Variants in PAK3 observed in about 807,000 individuals in gnomAD.
PAK3 encodes the protein p21 (RAC1) activated kinase 3.
A neutral mutation model predicts 41.0 loss-of-function variants in PAK3; 4 were observed. That is an observed-to-expected ratio of 0.10 (90% CI 0.05 to 0.22). The LOEUF (loss-of-function observed/expected upper bound fraction) is 0.22. Ranked by LOEUF, PAK3 falls within the 10% of genes least tolerant of loss-of-function variation. The pLI, the probability that PAK3 is intolerant of heterozygous loss-of-function variation, is 1.00. For missense variants in PAK3, 205 were observed against 409.9 expected (o/e 0.50, Z 4.32); for synonymous variants, 146 against 139.6 (o/e 1.05, Z -0.32).
At chrX:111,038,191 C>T (rs1399086672) in intron 1 of PAK3, among the ~76,000 whole-genome samples, 1 of 112,044 alleles carries the variant, frequency 8.9e-6, no homozygotes, top group Non-Finnish European at 1.9e-5. Flanking sequence ...TTATCAACAA[C>T]AATGTATTAT....
chrX:111,078,854 G>T (rs2092809267), intron 1 of PAK3, among the ~76,000 whole-genome samples: 1 of 112,013 alleles, frequency 8.9e-6, no homozygotes, highest in South Asian at 3.7e-4. Flanking sequence ...ACACATGAAT[G>T]ATGAGAAAAC....
rs767276350 is a variant in PAK3, at chrX:111,130,043, A to ATGTT, written c.175+6767_175+6770dup. On this transcript the variant is annotated intron_variant, in intron 5 of 17. Transcript: ENST00000372007. Reference sequence around the variant, plus strand: ...CCTCATCTTTGCTTTTTGTTTTCAAATGTTTCCCATCAAAGTTGTTGCATA... The same window carrying ATGTT: ...CCTCATCTTTGCTTTTTGTTTTCAAATGTTTGTTTCCCATCAAAGTTGTTGCATA... Among the ~76,000 whole-genome samples, 34 of 112,117 alleles carry ATGTT rather than the reference A, an allele frequency of 3.0e-4. No homozygotes were observed. The South Asian group carries it at 0.011, about 37-fold the overall frequency.
At chrX:111,098,975 G>C (rs919030118) in intron 3 of PAK3, among the ~76,000 whole-genome samples, 4 of 110,310 alleles carry the variant, frequency 3.6e-5, no homozygotes, top group African/African-American at 1.3e-4. Context: ...GAATGGACTC[G>C]TCTGCCAAGT....
intron 16 of PAK3, among the ~76,000 whole-genome samples, chrX:111,211,935 A>T (rs1300010502): frequency 9.0e-6 from 1 of 111,169 alleles, no homozygotes; most frequent in Non-Finnish European, 1.9e-5. Context: ...TAATGGAAAA[A>T]CGGTTAGGAG....
intron 1 of PAK3, among the ~76,000 whole-genome samples, chrX:111,091,022 A>C (rs2092925618): frequency 8.9e-6 from 1 of 112,165 alleles, no homozygotes; most frequent in Admixed American, 9.5e-5. Flanking sequence ...CATCAGCTCA[A>C]TTAAACAATG....
chrX:110,973,662 G>T (rs1409138361), intron 1 of PAK3, among the ~76,000 whole-genome samples: 1 of 111,778 alleles, frequency 8.9e-6, no homozygotes, highest in Non-Finnish European at 1.9e-5. Flanking sequence ...TCAATTAACA[G>T]GCAAAATAAC....
upstream of PAK3, among the ~76,000 whole-genome samples, chrX:111,094,957 G>A (rs1438190292): frequency 9.0e-6 from 1 of 111,186 alleles, no homozygotes. Context: ...CCAAAGTGCT[G>A]GGATTACAGG....
intron 5 of PAK3, among the ~76,000 whole-genome samples, chrX:111,128,627 C>T (rs762094889): frequency 9.0e-6 from 1 of 111,720 alleles, no homozygotes; most frequent in East Asian, 2.8e-4. Flanking sequence ...TATCACACTA[C>T]CTTGCAATAG....
intron 1 of PAK3, among the ~76,000 whole-genome samples, chrX:110,948,590 T>A (rs2090671573): frequency 8.9e-6 from 1 of 112,168 alleles, no homozygotes; most frequent in African/African-American, 3.2e-5. Context: ...GAACCTTTTT[T>A]TCTTTACAAA....
At chrX:111,030,224 T>A (rs187614871) in intron 1 of PAK3, among the ~76,000 whole-genome samples, 163 of 111,638 alleles carry the variant, frequency 1.5e-3, no homozygotes, top group Middle Eastern at 4.6e-3. Context: ...GGTTTTTTTT[T>A]AAATATTTCT....
At chrX:111,104,851 A>G (rs1468942837) in intron 4 of PAK3, among the ~76,000 whole-genome samples, 1 of 111,665 alleles carries the variant, frequency 9.0e-6, no homozygotes, top group Non-Finnish European at 1.9e-5. Context: ...AGGAGGAGAT[A>G]GAGGCTGAGA....
intron 4 of PAK3, among the ~76,000 whole-genome samples, chrX:111,110,541 G>A (rs1172093442): frequency 9.0e-6 from 1 of 111,680 alleles, no homozygotes; most frequent in Non-Finnish European, 1.9e-5. Context: ...GCAATGCCCA[G>A]AATGTTGCAA....
At chrX:111,177,114 A>G (rs940568249) in intron 11 of PAK3, among the ~76,000 whole-genome samples, 9 of 111,075 alleles carry the variant, frequency 8.1e-5, no homozygotes, top group African/African-American at 2.6e-4. Flanking sequence ...TTAAAATTAA[A>G]TCTGTGTTTT....
intron 1 of PAK3, among the ~76,000 whole-genome samples, chrX:111,022,237 A>T (rs759077826): frequency 8.9e-6 from 1 of 112,173 alleles, no homozygotes; most frequent in African/African-American, 3.2e-5. Flanking sequence ...CAGGTTATCT[A>T]AAGTCAAGAC....
At chrX:111,007,457 C>T (rs952544320) in intron 1 of PAK3, among the ~76,000 whole-genome samples, 1 of 112,031 alleles carries the variant, frequency 8.9e-6, no homozygotes, top group African/African-American at 3.2e-5. Context: ...AGCTGAGGCT[C>T]TTATAGAGAG....
At chrX:111,171,435 GTTCTATAACCCCAAGATTT>G (rs2094339765) in intron 10 of PAK3, among the ~76,000 whole-genome samples, 1 of 110,124 alleles carries the variant, frequency 9.1e-6, no homozygotes, top group Non-Finnish European at 1.9e-5. Flanking sequence ...TCCCATGATT[GTTCTATAACCCCAAGATTT>G]TTCTGGACCT....
intron 8 of PAK3, among the ~76,000 whole-genome samples, chrX:111,161,874 T>C (rs112835541): frequency 0.017 from 1,854 of 111,572 alleles, 17 homozygotes; most frequent in Middle Eastern, 0.037. Flanking sequence ...TGTAGCCTTG[T>C]AGTATAGTTT....
chrX:111,001,660 G>A (rs1007087304), intron 1 of PAK3, among the ~76,000 whole-genome samples: 2 of 112,104 alleles, frequency 1.8e-5, no homozygotes, highest in Admixed American at 1.9e-4. Context: ...GATGTTTGAG[G>A]CCTGGTAATG....
At chrX:110,958,798 G>A (rs185949629) in intron 1 of PAK3, among the ~76,000 whole-genome samples, 48 of 111,320 alleles carry the variant, frequency 4.3e-4, no homozygotes, top group African/African-American at 1.5e-3. Context: ...CAGTAGCTGT[G>A]TCTTACTCAT....
Sources: allele counts gnomAD v4.1 joint callset (sites outside exome capture counted in the v4.1 genomes callset), GRCh38; gene constraint gnomAD v4.1.1; transcripts MANE v1.5; gene names NCBI Gene and HGNC (gene_info 2026-07-23, HGNC 2026-07-21).